CARS2: variants seen among roughly 807,000 people sequenced by gnomAD.
CARS2 encodes the protein cysteinyl-tRNA synthetase 2, mitochondrial, also known as probable cysteine--tRNA ligase, mitochondrial.
Under a neutral mutation model 68.8 loss-of-function variants are expected in CARS2, and 52 were observed. That is an observed-to-expected ratio of 0.76 (90% confidence interval 0.61 to 0.95). The LOEUF (loss-of-function observed/expected upper bound fraction) is 0.95, where lower values mean the gene tolerates loss of function less well. Among genes scored for constraint, CARS2 ranks in the 40% least tolerant of loss-of-function variants. CARS2 has a pLI of 0.00. For synonymous variants in CARS2, 314 were observed against 303.6 expected, an observed-to-expected ratio of 1.03 and a Z score of -0.36; for missense variants, 780 against 754.2, an observed-to-expected ratio of 1.03 and a Z score of -0.40.
At chr13:110,677,731 G>A (rs112861134) in intron 6 of CARS2, among the ~76,000 whole-genome samples, 6 of 88,556 alleles carry the variant, frequency 6.8e-5, no homozygotes, top group East Asian at 3.3e-4. Context: ...ACCCCGCCAC[G>A]GAAACCCAGA....
chr13:110,659,497 CTT>C (rs34169536), intron 9 of CARS2, among the ~76,000 whole-genome samples: 39 of 147,734 alleles, frequency 2.6e-4, no homozygotes, highest in Admixed American at 2.7e-4. Flanking sequence ...CCCAGATCTC[CTT>C]TTTTTTTTTT....
chr13:110,677,475 C>T (rs2062993488), intron 6 of CARS2, among the ~76,000 whole-genome samples: 1 of 145,236 alleles, frequency 6.9e-6, no homozygotes, highest in South Asian at 2.3e-4. Flanking sequence ...CGCAGACAGT[C>T]ACCCCACCAC....
chr13:110,704,522 G>A (rs1180078810), intron 2 of CARS2, among the ~76,000 whole-genome samples: 2 of 152,130 alleles, frequency 1.3e-5, no homozygotes, highest in Admixed American at 1.3e-4. Flanking sequence ...TCAGGAGTTC[G>A]AGACCAGCCT....
intron 5 of CARS2, among the ~76,000 whole-genome samples, chr13:110,685,023 T>C (rs1420579997): frequency 1.3e-5 from 2 of 152,194 alleles, no homozygotes; most frequent in Non-Finnish European, 2.9e-5. Context: ...CATTCAATCC[T>C]CAAGCCTGTG....
intron 8 of CARS2, chr13:110,664,049 A>G (rs1037199840): frequency 1.1e-4 from 105 of 985,214 alleles, no homozygotes; most frequent in Admixed American, 3.7e-4. Context: ...TTCATCCCCT[A>G]TGTATGTGAA....
At chr13:110,692,461 A>C (rs1245398979) in intron 3 of CARS2, among the ~76,000 whole-genome samples, 1 of 151,386 alleles carries the variant, frequency 6.6e-6, no homozygotes, top group Non-Finnish European at 1.5e-5. Flanking sequence ...TCAAGAGCAA[A>C]ACTCCGTCTC....
chr13:110,697,774 T>C (rs144787787), intron 3 of CARS2: 93 of 338,316 alleles, frequency 2.7e-4, no homozygotes, highest in African/African-American at 1.9e-3. Context: ...AAAGCATATA[T>C]GTTCATAGCA....
At chr13:110,710,430 T>C (rs1594445062), upstream of CARS2, among the ~76,000 whole-genome samples, 1 of 152,100 alleles carries the variant, frequency 6.6e-6, no homozygotes, top group Non-Finnish European at 1.5e-5. Flanking sequence ...CTGACTCTCA[T>C]AGGTTTGAGC....
At position 110,668,833 on chromosome 13, in the gene CARS2, C is replaced by A. The variant is rs1366521879; in HGVS notation, c.786-1360G>T. Reference sequence around the variant, plus strand: ...AAAATCAGAGAAGGCTCAGAAGGAACAACAATAATGGTCTCTTCATTATTT... The same window carrying A: ...AAAATCAGAGAAGGCTCAGAAGGAAAAACAATAATGGTCTCTTCATTATTT... On this transcript the variant is annotated intron_variant, in intron 7 of 14. Coordinates refer to ENST00000257347, the MANE Select transcript of CARS2 (RefSeq NM_024537.4). The surrounding 1 kb of genome is among the most constrained non-coding windows in gnomAD (Gnocchi z 4.1). Among the ~76,000 whole-genome samples the A allele has an allele frequency of 6.6e-6, 1 of 152,166 alleles. No individual in the cohort carries two copies. The highest frequency in any genetic ancestry group is 1.5e-5 in the Non-Finnish European group (1 of 68,028).
intron 1 of CARS2, chr13:110,712,886 C>G (rs771739270): frequency 4.2e-6 from 6 of 1,422,294 alleles, no homozygotes; most frequent in East Asian, 2.5e-5. Flanking sequence ...AAACTGAGTA[C>G]CGGGAGACGA....
rs1005493634 is a variant in CARS2, at chr13:110,676,681, A to G, written c.785+293T>C. ...TGCAAGCACTCTCCTCCAGGGCCCCAAGCACCAGCCACTACAGAGAAGGGT... is the reference window on the plus strand; with the variant it reads ...TGCAAGCACTCTCCTCCAGGGCCCCGAGCACCAGCCACTACAGAGAAGGGT... On this transcript the variant is annotated intron_variant, in intron 7 of 14. Transcript: ENST00000257347. This position sits in a 1 kb window ranked among gnomAD's most constrained non-coding sequence, Gnocchi z 4.0. 2.0e-5 allele frequency among the ~76,000 whole-genome samples: 3 copies of G among 152,096 alleles called. No homozygotes were observed. The highest frequency in any genetic ancestry group is 7.2e-5 in the African/African-American group (3 of 41,404).
At chr13:110,706,210 A>G, upstream of CARS2, 1 of 719,938 alleles carries the variant, frequency 1.4e-6, no homozygotes, top group Non-Finnish European at 1.9e-6. Context: ...GGCCACGCCC[A>G]CTCCCGGAAG....
chr13:110,666,153 A>C (rs1810448653), intron 8 of CARS2: 1 of 985,204 alleles, frequency 1.0e-6, no homozygotes. Flanking sequence ...CGGCTGTGGA[A>C]ATCAGTGCTC....
chr13:110,671,894 A>G (rs2062812674), intron 7 of CARS2, among the ~76,000 whole-genome samples: 1 of 152,198 alleles, frequency 6.6e-6, no homozygotes, highest in Non-Finnish European at 1.5e-5. Flanking sequence ...AGGAAAACAA[A>G]AAAAAGCAGG....
At chr13:110,645,931 C>T (rs1350587242) in intron 12 of CARS2, 36 bp downstream of exon 12, 14 of 1,602,718 alleles carry the variant, frequency 8.7e-6, no homozygotes, top group Admixed American at 1.7e-5. Flanking sequence ...ATGCCCCTGG[C>T]AGCAGGACCG....
At chr13:110,695,788 TA>T (rs758552974) in intron 3 of CARS2, among the ~76,000 whole-genome samples, 1 of 151,760 alleles carries the variant, frequency 6.6e-6, no homozygotes. Context: ...TTTTTTTTTT[TA>T]AATTATACTT....
Position 110,651,017 on chromosome 13 carries a change from A to G in CARS2, c.1054+17T>C, listed in dbSNP as rs1435577758. The G allele has an allele frequency of 1.2e-6, 2 of 1,600,874 alleles. No homozygotes were observed. Among genetic ancestry groups the G allele is most frequent in the East Asian group, 2.2e-5 (1 of 44,790 alleles). On this transcript the variant is annotated intron_variant, in intron 10 of 14. Transcript: ENST00000257347. ...CCGAGCTGGGGGGGGAGTCCACTCC[A>G]CGTGTGCTCGGCTCACCTGAGCGGT... is the stretch of plus-strand genomic sequence containing the variant.
chr13:110,709,082 C>CT (rs113546139), upstream of CARS2, among the ~76,000 whole-genome samples: 233 of 134,422 alleles, frequency 1.7e-3, no homozygotes, highest in Middle Eastern at 4.9e-3. Context: ...TCTCTTTTTT[C>CT]TTTTTTTTTT....
At position 110,671,706 on chromosome 13, in the gene CARS2, G is replaced by A. The variant is rs1214678319; in HGVS notation, c.786-4233C>T. ...ATCATAATGACAGGATCAAATTCAC[G>A]CATAACAATATTAACCTTAAATGTA... On this transcript the variant is annotated intron_variant, in intron 7 of 14. Coordinates refer to ENST00000257347, the MANE Select transcript of CARS2 (RefSeq NM_024537.4). Among the ~76,000 whole-genome samples the A allele has an allele frequency of 4.6e-5, 7 of 152,144 alleles. 1 individual carries two copies. Among genetic ancestry groups the A allele is most frequent in the Non-Finnish European group, 5.9e-5 (4 of 68,002 alleles).
Sources: allele counts gnomAD v4.1 joint callset (sites outside exome capture counted in the v4.1 genomes callset), GRCh38; gene constraint gnomAD v4.1.1; non-coding constraint Gnocchi (gnomAD v3.1); transcripts MANE v1.5; gene names NCBI Gene and HGNC (gene_info 2026-07-23, HGNC 2026-07-21).